The following TJP2 variants were observed in gnomAD, a reference collection of about 807,000 sequenced individuals.
TJP2 encodes the protein tight junction protein 2.
In TJP2, 91 loss-of-function variants were observed where a neutral mutation model predicts 133.1. The observed-to-expected ratio is 0.68, with a 90% CI of 0.58 to 0.81. The LOEUF (loss-of-function observed/expected upper bound fraction) is 0.81, where lower values mean the gene tolerates loss of function less well. Ranked by LOEUF, TJP2 falls within the 40% of genes least tolerant of loss-of-function variation. The pLI is 0.00. For synonymous variants in TJP2, 592 were observed against 583.4 expected (o/e 1.01, Z -0.21); for missense variants, 1,541 against 1,565.6 (o/e 0.98, Z 0.26).
chr9:69,226,592 A>G (rs2133318166), intron 7 of TJP2, among the ~76,000 whole-genome samples: 1 of 152,234 alleles, frequency 6.6e-6, no homozygotes, highest in South Asian at 2.1e-4. Context: ...TCTGCCTCCC[A>G]GGTTCAAGTG....
At chr9:69,249,946 G>A (rs559023133) in intron 20 of TJP2, among the ~76,000 whole-genome samples, 1 of 152,240 alleles carries the variant, frequency 6.6e-6, no homozygotes, top group Non-Finnish European at 1.5e-5. Flanking sequence ...TAAGAGAGCT[G>A]CTTATTTGTT....
intron 1 of TJP2, among the ~76,000 whole-genome samples, chr9:69,185,433 G>A (rs928734579): frequency 2.4e-4 from 37 of 152,160 alleles, no homozygotes; most frequent in African/African-American, 8.7e-4. Context: ...TAAGAGCTCC[G>A]TGTCACATAA....
At position 69,255,036 on chromosome 9, in the gene TJP2, A is replaced by G. The variant is rs148680905; in HGVS notation, c.*662A>G. ...CATAACTATACTTGATAGTTTGGCTATAAGTGCTCAATAGCTTGAAGCCCA... is the reference window on the plus strand; with the variant it reads ...CATAACTATACTTGATAGTTTGGCTGTAAGTGCTCAATAGCTTGAAGCCCA... On this transcript the variant is annotated 3_prime_UTR_variant, in exon 23 of 23. Coordinates refer to ENST00000377245, the MANE Select transcript of TJP2 (RefSeq NM_004817.4). 41 of 161,972 alleles carry G rather than the reference A, an allele frequency of 2.5e-4. No individual in the cohort carries two copies. Among genetic ancestry groups the G allele is most frequent in the Non-Finnish European group, 5.0e-4 (37 of 74,652 alleles). 10.0% of individuals were successfully genotyped at this position (161,972 alleles called of 1,614,324 possible). A position where few individuals can be genotyped will look rare whatever the true frequency, so the allele number is the denominator to read the frequency against.
chr9:69,211,261 T>C (rs1228011975), intron 1 of TJP2, among the ~76,000 whole-genome samples: 1 of 152,164 alleles, frequency 6.6e-6, no homozygotes, highest in East Asian at 1.9e-4. Flanking sequence ...CGCTTGAACC[T>C]GGGAGGCGGA....
At chr9:69,241,030 C>G (rs1258655853) in intron 17 of TJP2, among the ~76,000 whole-genome samples, 1 of 152,044 alleles carries the variant, frequency 6.6e-6, no homozygotes, top group Non-Finnish European at 1.5e-5. Flanking sequence ...ATAGACAGGA[C>G]AAGACTGGCC....
intron 1 of TJP2, among the ~76,000 whole-genome samples, chr9:69,178,173 G>A (rs145710038): frequency 1.7e-3 from 258 of 152,110 alleles, no homozygotes; most frequent in Middle Eastern, 0.01. Flanking sequence ...ATTTAATAAA[G>A]CATTTTCTCT....
chr9:69,227,102 G>A (rs760689903), intron 7 of TJP2, among the ~76,000 whole-genome samples: 1 of 150,222 alleles, frequency 6.7e-6, no homozygotes, highest in Non-Finnish European at 1.5e-5. Context: ...ATTAAGTTAC[G>A]AAGTTGTAAA....
chr9:69,161,490 G>T (rs963536949), intron 2 of TJP2, among the ~76,000 whole-genome samples: 3 of 152,068 alleles, frequency 2.0e-5, no homozygotes, highest in African/African-American at 7.2e-5. Flanking sequence ...GCCTCCCAAA[G>T]TGCTGGGATT....
At chr9:69,219,975 A>AC in intron 4 of TJP2, among the ~76,000 whole-genome samples, 1 of 152,058 alleles carries the variant, frequency 6.6e-6, no homozygotes, top group East Asian at 1.9e-4. Flanking sequence ...ACATGGTGAA[A>AC]CCCCGTCTCT....
chr9:69,234,443 A>G lies in TJP2; in HGVS notation c.1676A>G (p.Asn559Ser). 4 of 1,597,442 alleles carry G rather than the reference A, an allele frequency of 2.5e-6. No individual in the cohort carries two copies. The highest frequency in any genetic ancestry group is 3.4e-6 in the Non-Finnish European group (4 of 1,171,974). ...LQEGDQILKVNTQDFRGLVRE... is the reference protein window; with the variant it reads ...LQEGDQILKVSTQDFRGLVRE... ...TCTGTTTTTCCTTCCTAATAGGTGA[A>G]CACACAGGATTTCAGAGGATTAGTG... The change falls in exon 12 of 23, where the codon AAC becomes AGC. Residue 559 changes from asparagine (N) to serine (S), a missense_variant. Coordinates refer to ENST00000377245, the MANE Select transcript of TJP2 (RefSeq NM_004817.4).
chr9:69,212,518 C>A, intron 1 of TJP2, 30 bp from the exon 2 acceptor site: 1 of 1,574,322 alleles, frequency 6.4e-7, no homozygotes, highest in Non-Finnish European at 8.7e-7. Context: ...TTGTGGTTTT[C>A]ATCAGATTGG....
At chr9:69,152,313 C>T (rs1453037688) in intron 2 of TJP2, among the ~76,000 whole-genome samples, 1 of 152,146 alleles carries the variant, frequency 6.6e-6, no homozygotes, top group Non-Finnish European at 1.5e-5. Context: ...ATGAGATTTA[C>T]AAGGTCTTAA....
chr9:69,207,614 C>T (rs1309675769), intron 1 of TJP2, among the ~76,000 whole-genome samples: 1 of 152,182 alleles, frequency 6.6e-6, no homozygotes. Context: ...ACCTTTAATT[C>T]TGATATATGC....
chr9:69,218,521 G>C, intron 4 of TJP2, 162 bp downstream of exon 4: 1 of 682,944 alleles, frequency 1.5e-6, no homozygotes, highest in Non-Finnish European at 2.7e-6. Context: ...ATATGTGTAA[G>C]TTATCTTCCT....
In TJP2 at chr9:69,254,440, G is replaced by T; in HGVS notation, c.*66G>T. On this transcript the variant is annotated 3_prime_UTR_variant, in exon 23 of 23. Coordinates refer to ENST00000377245, the MANE Select transcript of TJP2 (RefSeq NM_004817.4). The stretch of plus-strand genomic sequence containing the variant: ...TCAGACTAGCCACTCCTGCCAGGCC[G>T]CCGGGATGGTTCTTCTCCAGTTAGA... 1.9e-6 allele frequency: 3 copies of T among 1,598,804 alleles called. No homozygotes were observed. In the African/African-American group the frequency reaches 4.0e-5, roughly 21 times the overall value.
chr9:69,201,462 C>A (rs1196753180), intron 1 of TJP2, among the ~76,000 whole-genome samples: 6 of 151,936 alleles, frequency 3.9e-5, no homozygotes, highest in Non-Finnish European at 8.8e-5. Flanking sequence ...TTCCTTCAGA[C>A]CTCATCTCGG....
intron 3 of TJP2, among the ~76,000 whole-genome samples, chr9:69,216,938 C>T (rs186649526): frequency 5.5e-4 from 84 of 152,018 alleles, no homozygotes; most frequent in African/African-American, 1.9e-3. Context: ...AGCTTTCTGA[C>T]CTGAAGAAGT....
intron 16 of TJP2, 100 bp from the exon 17 acceptor site, chr9:69,239,834 AAAC>A: frequency 9.9e-7 from 1 of 1,005,174 alleles, no homozygotes; most frequent in Non-Finnish European, 1.5e-6. Context: ...ACAAACAAAC[AAAC>A]AAGATATATC....
At chr9:69,131,375 G>T (rs1183097140) in intron 1 of TJP2, among the ~76,000 whole-genome samples, 1 of 152,220 alleles carries the variant, frequency 6.6e-6, no homozygotes, top group African/African-American at 2.4e-5. Context: ...CTACAGGAAA[G>T]AAATCCAAGA....
Sources: gnomAD v4.1 joint callset for allele counts (sites outside exome capture counted in the v4.1 genomes callset) on GRCh38, gnomAD v4.1.1 for gene constraint, MANE v1.5 for transcripts, NCBI Gene and HGNC (gene_info 2026-07-23, HGNC 2026-07-21) for gene names.